Variants in PIK3C2G observed in about 807,000 individuals in gnomAD.
PIK3C2G encodes the protein phosphatidylinositol 3-kinase C2 domain-containing subunit gamma.
In PIK3C2G, 168 loss-of-function variants were observed where a neutral mutation model predicts 181.1. The observed-to-expected ratio is 0.93, with a 90% confidence interval of 0.82 to 1.05. The LOEUF (loss-of-function observed/expected upper bound fraction) is 1.05. Ranked by LOEUF, PIK3C2G falls within the 50% of genes least tolerant of loss-of-function variation. The pLI, the probability that PIK3C2G is intolerant of heterozygous loss-of-function variation, is 0.00. For missense variants in PIK3C2G, 1,869 were observed against 1,732.8 expected, an observed-to-expected ratio of 1.08 and a Z score of -1.40; for synonymous variants, 573 against 592.2, an observed-to-expected ratio of 0.97 and a Z score of 0.47.
At chr12:18,650,696 GTGTGTGTGTATATATCTA>G (rs1950431715), downstream of PIK3C2G, among the ~76,000 whole-genome samples, 812 of 43,588 alleles carry the variant, frequency 0.019, 68 homozygotes, top group Admixed American at 0.033. Context: ...GTGTGTGTGT[GTGTGTGTGTATATATCTA>G]TATATATATA....
intron 18 of PIK3C2G, among the ~76,000 whole-genome samples, chr12:18,461,045 G>C (rs886085319): frequency 6.6e-6 from 1 of 152,028 alleles, no homozygotes; most frequent in African/African-American, 2.4e-5. Context: ...TACCTCAGTG[G>C]TAAATATTCT....
intron 24 of PIK3C2G, among the ~76,000 whole-genome samples, chr12:18,520,696 C>T (rs879894460): frequency 6.6e-6 from 1 of 152,108 alleles, no homozygotes; most frequent in Non-Finnish European, 1.5e-5. Flanking sequence ...CTATTACCCC[C>T]CTTCTGAAGC....
At chr12:18,664,747 G>A in the PIK3C2G span, among the ~76,000 whole-genome samples, 2 of 151,230 alleles carry the variant, frequency 1.3e-5, no homozygotes, top group Non-Finnish European at 2.9e-5. Context: ...GCAAAGACTT[G>A]GAACCAATCC....
At chr12:18,671,358 C>T in the PIK3C2G span, among the ~76,000 whole-genome samples, 2 of 151,940 alleles carry the variant, frequency 1.3e-5, no homozygotes, top group East Asian at 1.9e-4. Flanking sequence ...CGAGTAAGTA[C>T]AGCTGGGAAG....
intron 31 of PIK3C2G, among the ~76,000 whole-genome samples, chr12:18,612,891 T>C (rs1255658506): frequency 1.3e-5 from 2 of 152,078 alleles, no homozygotes; most frequent in Non-Finnish European, 1.5e-5. Flanking sequence ...TCCTGTGAGA[T>C]CACAAACTAA....
intron 18 of PIK3C2G, among the ~76,000 whole-genome samples, chr12:18,442,343 T>C (rs987115167): frequency 6.6e-6 from 1 of 152,068 alleles, no homozygotes; most frequent in African/African-American, 2.4e-5. Flanking sequence ...TTATTGTCTG[T>C]CCTCAAAAAG....
intron 16 of PIK3C2G, among the ~76,000 whole-genome samples, chr12:18,408,466 C>T (rs769110490): frequency 1.3e-5 from 2 of 152,070 alleles, no homozygotes; most frequent in Non-Finnish European, 2.9e-5. Flanking sequence ...ATTATGGAAG[C>T]CTTGTAGTAT....
chr12:18,512,757 C>T (rs548509449), intron 24 of PIK3C2G, among the ~76,000 whole-genome samples: 2 of 152,038 alleles, frequency 1.3e-5, no homozygotes, highest in Admixed American at 1.3e-4. Flanking sequence ...AATTTCACTT[C>T]TTCCTTTCCT....
the PIK3C2G span, among the ~76,000 whole-genome samples, chr12:18,708,797 C>A: frequency 2.0e-5 from 3 of 151,986 alleles, no homozygotes; most frequent in Admixed American, 6.6e-5. Context: ...ACTTGTTGGC[C>A]ATTTTTATGT....
At chr12:18,563,267 T>A in intron 27 of PIK3C2G, 110 bp from the exon 28 acceptor site, 1 of 934,198 alleles carries the variant, frequency 1.1e-6, no homozygotes, top group Non-Finnish European at 1.6e-6. Flanking sequence ...TTTATGATAA[T>A]GTTTTGCAGA....
At chr12:18,320,184 C>T (rs1591942472) in intron 6 of PIK3C2G, 2 of 152,246 alleles carry the variant, frequency 1.3e-5, no homozygotes, top group South Asian at 2.1e-4. Context: ...CATTAAGGGA[C>T]CCACTCAGAT....
intron 18 of PIK3C2G, among the ~76,000 whole-genome samples, chr12:18,477,057 C>G (rs897767830): frequency 2.0e-5 from 3 of 152,080 alleles, no homozygotes; most frequent in African/African-American, 7.2e-5. Context: ...TGAAGACAGA[C>G]ACCTTCTCCC....
intron 20 of PIK3C2G, chr12:18,493,005 C>A (rs970119070): frequency 3.9e-5 from 6 of 152,256 alleles, no homozygotes; most frequent in African/African-American, 1.4e-4. Flanking sequence ...CAACAATGAA[C>A]AGGACAGACA....
At chr12:18,696,892 G>A in the PIK3C2G span, among the ~76,000 whole-genome samples, 4 of 151,938 alleles carry the variant, frequency 2.6e-5, no homozygotes, top group South Asian at 2.1e-4. Flanking sequence ...TTCAAATGTC[G>A]TTCTTACTGG....
At chr12:18,428,868 A>C (rs1276954809) in intron 18 of PIK3C2G, among the ~76,000 whole-genome samples, 1 of 152,208 alleles carries the variant, frequency 6.6e-6, no homozygotes, top group Admixed American at 6.5e-5. Context: ...GCTTATGCCC[A>C]GGAGGCCCCT....
At chr12:18,449,598 G>T (rs1345566924) in intron 18 of PIK3C2G, among the ~76,000 whole-genome samples, 1 of 152,112 alleles carries the variant, frequency 6.6e-6, no homozygotes, top group Non-Finnish European at 1.5e-5. Flanking sequence ...ATGGTTTCCA[G>T]CTTCGTCCAT....
chr12:18,310,895 G>A (rs1950608714), intron 5 of PIK3C2G, among the ~76,000 whole-genome samples: 1 of 151,918 alleles, frequency 6.6e-6, no homozygotes, highest in South Asian at 2.1e-4. Flanking sequence ...GAATTTATAG[G>A]CTAGAGACAT....
chr12:18,364,662 C>T (rs1307124487), intron 12 of PIK3C2G, among the ~76,000 whole-genome samples: 1 of 152,092 alleles, frequency 6.6e-6, no homozygotes, highest in African/African-American at 2.4e-5. Context: ...CTTCAGGAGG[C>T]TAAGGCAGAT....
chr12:18,684,344 A>G, the PIK3C2G span: 4 of 1,477,412 alleles, frequency 2.7e-6, no homozygotes, highest in South Asian at 2.4e-5. Flanking sequence ...AATAGATTAC[A>G]TTTGTTCTCC....
Sources: gnomAD v4.1 joint callset for allele counts (sites outside exome capture counted in the v4.1 genomes callset) on GRCh38, gnomAD v4.1.1 for gene constraint, MANE v1.5 for transcripts, NCBI Gene and HGNC (gene_info 2026-07-23, HGNC 2026-07-21) for gene names.